AGBL1: variants seen among roughly 807,000 people sequenced by gnomAD.
The protein encoded by AGBL1 is AGBL carboxypeptidase 1.
AGBL1 carries 130 observed loss-of-function variants against 118.9 expected under a neutral mutation model. The ratio of observed to expected loss-of-function variants is 1.09; its 90% CI spans 0.95 to 1.26. The LOEUF (loss-of-function observed/expected upper bound fraction) is 1.26. Among genes scored for constraint, AGBL1 ranks in the 50% most tolerant of loss-of-function variants. The pLI, the probability that AGBL1 is intolerant of heterozygous loss-of-function variation, is 0.00. For missense variants in AGBL1, 1,584 were observed against 1,298.1 expected, an observed-to-expected ratio of 1.22 and a Z score of -3.38; for synonymous variants, 555 against 478.9, an observed-to-expected ratio of 1.16 and a Z score of -2.08.
intron 22 of AGBL1, among the ~76,000 whole-genome samples, chr15:86,749,185 T>C (rs1326039379): frequency 3.3e-5 from 5 of 152,336 alleles, no homozygotes; most frequent in Admixed American, 1.3e-4. Context: ...TTTTATTTCG[T>C]TGAGCAGTGA....
chr15:86,127,046 G>T (rs2076756522), intron 1 of AGBL1, among the ~76,000 whole-genome samples: 1 of 152,146 alleles, frequency 6.6e-6, no homozygotes, highest in Non-Finnish European at 1.5e-5. Context: ...TATACAGACA[G>T]GATGGGTAAT....
chr15:86,493,220 C>T (rs1409202954), intron 18 of AGBL1, among the ~76,000 whole-genome samples: 1 of 151,240 alleles, frequency 6.6e-6, no homozygotes, highest in East Asian at 2.0e-4. Flanking sequence ...CAAACAAAAA[C>T]ACATACAAAA....
Position 86,870,454 on chromosome 15 carries a change from C to CAAAAAAAAAAA in AGBL1, c.3159-36601_3159-36591dup, listed in dbSNP as rs770556494. Among the ~76,000 whole-genome samples the CAAAAAAAAAAA allele has an allele frequency of 6.9e-4, 44 of 64,110 alleles. 3 individuals carry two copies. The highest frequency in any genetic ancestry group is 1.2e-3 in the East Asian group (3 of 2,562). 42.1% of individuals were successfully genotyped at this position (64,110 alleles called of 152,430 possible). Reference sequence around the variant, plus strand: ...GGCAAGAAAAAAGTAAAGCATACTGCAAAAAAAAAAAAAAAAAAAAAAAAA... The same window carrying CAAAAAAAAAAA: ...GGCAAGAAAAAAGTAAAGCATACTGCAAAAAAAAAAAAAAAAAAAAAAAAAAAAAAAAAAAA... On this transcript the variant is annotated intron_variant, in intron 22 of 22. Transcript: ENST00000614907.
chr15:86,856,895 T>C (rs1230942402), intron 22 of AGBL1, among the ~76,000 whole-genome samples: 2 of 152,218 alleles, frequency 1.3e-5, no homozygotes, highest in Non-Finnish European at 2.9e-5. Flanking sequence ...GTGGTGAAGC[T>C]AATGGCAGAC....
chr15:86,457,049 T>G (rs573768130), intron 18 of AGBL1, among the ~76,000 whole-genome samples: 1 of 152,258 alleles, frequency 6.6e-6, no homozygotes, highest in East Asian at 1.9e-4. Flanking sequence ...CAAAATCCCT[T>G]TCATTATGCA....
At chr15:86,919,573 GACACACACACACACACAC>G (rs376501612), downstream of AGBL1, among the ~76,000 whole-genome samples, 569 of 128,850 alleles carry the variant, frequency 4.4e-3, 2 homozygotes, top group African/African-American at 0.013. Context: ...TCCCTGTTGA[GACACACACACACACACAC>G]ACACACACAC....
intron 11 of AGBL1, among the ~76,000 whole-genome samples, chr15:86,265,845 T>A (rs2079063074): frequency 6.6e-6 from 1 of 152,208 alleles, no homozygotes; most frequent in African/African-American, 2.4e-5. Flanking sequence ...CCTTCTAAGC[T>A]TTCTTTCTCT....
chr15:86,365,378 C>T (rs1253052603), intron 17 of AGBL1, among the ~76,000 whole-genome samples: 1 of 152,100 alleles, frequency 6.6e-6, no homozygotes, highest in Non-Finnish European at 1.5e-5. Flanking sequence ...CTGATCCTAA[C>T]ATTTTGGTTG....
chr15:86,251,828 A>AG (rs2078820832), intron 7 of AGBL1, among the ~76,000 whole-genome samples: 1 of 152,008 alleles, frequency 6.6e-6, no homozygotes, highest in Non-Finnish European at 1.5e-5. Flanking sequence ...ATTGAAAAAA[A>AG]AAAAGAACTC....
intron 22 of AGBL1, among the ~76,000 whole-genome samples, chr15:86,727,173 G>A (rs907150759): frequency 6.6e-6 from 1 of 152,092 alleles, no homozygotes; most frequent in Admixed American, 6.6e-5. Flanking sequence ...TGGCCAAAGA[G>A]GGAATGTGAT....
chr15:86,705,575 C>A (rs1406111436), intron 22 of AGBL1, among the ~76,000 whole-genome samples: 2 of 152,136 alleles, frequency 1.3e-5, no homozygotes, highest in African/African-American at 4.8e-5. Flanking sequence ...ATGAGCCAGC[C>A]ACTCGCTTCA....
chr15:86,778,737 G>A (rs553307852), intron 22 of AGBL1, among the ~76,000 whole-genome samples: 5 of 152,168 alleles, frequency 3.3e-5, no homozygotes, highest in East Asian at 3.9e-4. Flanking sequence ...AACAATTTGT[G>A]CAGTTAACAC....
intron 18 of AGBL1, among the ~76,000 whole-genome samples, chr15:86,408,980 G>T (rs1385472489): frequency 2.0e-5 from 3 of 152,118 alleles, no homozygotes; most frequent in Non-Finnish European, 4.4e-5. Flanking sequence ...TATAGGAATA[G>T]TTTAATCTCA....
In AGBL1 at chr15:86,387,965, G is replaced by A. The variant is rs139279776; in HGVS notation, c.2375-9401G>A. Among the ~76,000 whole-genome samples the A allele has an allele frequency of 4.7e-3, 717 of 152,324 alleles. 3 individuals carry two copies. The highest frequency in any genetic ancestry group is 0.016 in the African/African-American group (682 of 41,566). ...AGAGTGCAAAGTTCTGGGAGGGACA[G>A]GGTCTGGGGCTACTTCCTGTCACTG... On this transcript the variant is annotated intron_variant, in intron 17 of 22. Transcript: ENST00000614907.
chr15:86,734,490 G>A (rs553004804), intron 22 of AGBL1, among the ~76,000 whole-genome samples: 60 of 152,208 alleles, frequency 3.9e-4, no homozygotes, highest in Non-Finnish European at 7.1e-4. Context: ...AGAGAGTAAG[G>A]AGAGGTGTGG....
At chr15:86,414,808 T>G (rs993935176) in intron 18 of AGBL1, among the ~76,000 whole-genome samples, 2 of 152,172 alleles carry the variant, frequency 1.3e-5, no homozygotes, top group African/African-American at 4.8e-5. Context: ...AGACATAAAA[T>G]TAAGCCTACT....
intron 22 of AGBL1, among the ~76,000 whole-genome samples, chr15:86,791,483 C>A (rs571816496): frequency 6.6e-6 from 1 of 152,154 alleles, no homozygotes; most frequent in South Asian, 2.1e-4. Context: ...GGAAAGCTGG[C>A]CACAATGGCC....
chr15:86,447,187 C>T (rs372533981), intron 18 of AGBL1, among the ~76,000 whole-genome samples: 75 of 152,244 alleles, frequency 4.9e-4, no homozygotes, highest in Non-Finnish European at 7.4e-4. Context: ...ATTTAATTTC[C>T]GCCTCTTCTC....
chr15:86,748,029 T>G (rs941646704), intron 22 of AGBL1, among the ~76,000 whole-genome samples: 10 of 152,202 alleles, frequency 6.6e-5, no homozygotes, highest in Non-Finnish European at 1.0e-4. Flanking sequence ...GTATTTCTAG[T>G]TCTAGATCCT....
Sources: allele counts gnomAD v4.1 joint callset (sites outside exome capture counted in the v4.1 genomes callset), GRCh38; gene constraint gnomAD v4.1.1; transcripts MANE v1.5; gene names NCBI Gene and HGNC (gene_info 2026-07-23, HGNC 2026-07-21).